CFAP100: variants seen among roughly 807,000 people sequenced by gnomAD.
CFAP100 encodes the protein cilia and flagella associated protein 100.
Under a neutral mutation model 81.5 loss-of-function variants are expected in CFAP100, and 70 were observed. That is an observed-to-expected ratio of 0.86 (90% CI 0.71 to 1.05). CFAP100 has a LOEUF of 1.05. Among genes scored for constraint, CFAP100 ranks in the 50% least tolerant of loss-of-function variants. CFAP100 has a pLI of 0.00. For synonymous variants in CFAP100, 341 were observed against 314.8 expected, an observed-to-expected ratio of 1.08 and a Z score of -0.88; for missense variants, 811 against 776.5, an observed-to-expected ratio of 1.04 and a Z score of -0.53.
At chr3:126,423,962 C>T (rs2083373387) in intron 13 of CFAP100, among the ~76,000 whole-genome samples, 1 of 152,240 alleles carries the variant, frequency 6.6e-6, no homozygotes, top group South Asian at 2.1e-4. Flanking sequence ...CTTGGAGTGG[C>T]TGGAGGTCCA....
At chr3:126,432,147 C>T (rs1223886170) in intron 13 of CFAP100, among the ~76,000 whole-genome samples, 1 of 151,714 alleles carries the variant, frequency 6.6e-6, no homozygotes, top group African/African-American at 2.4e-5. Flanking sequence ...GGCGTGGTGG[C>T]GGGTGCCTGT....
chr3:126,418,083 T>G, intron 5 of CFAP100: 1 of 215,566 alleles, frequency 4.6e-6, no homozygotes, highest in Non-Finnish European at 9.2e-6. Context: ...TCCCCATTTT[T>G]CTGTCCTCAT....
chr3:126,423,264 T>G, intron 11 of CFAP100, 61 bp from the exon 12 acceptor site: 1 of 1,417,954 alleles, frequency 7.1e-7, no homozygotes. Context: ...CTGTGCCCCC[T>G]CCCCTGGCTC....
rs1202547059 is a variant in CFAP100, at chr3:126,414,108, A to C, written c.154A>C (p.Asn52His). ...NEEHGPDPSA[N>H]PFHLSGDVDF... The stretch of plus-strand genomic sequence containing the variant: ...AGAACATGGTCCTGACCCTTCAGCG[A>C]ACCCTTTCCACTTATCTGGGGATGT... The change falls in exon 4 of 17, where the codon AAC (asparagine) becomes CAC (histidine). Residue 52 changes from asparagine (N) to histidine (H), a missense_variant. Coordinates refer to ENST00000352312, the MANE Select transcript of CFAP100 (RefSeq NM_182628.3). 3.1e-6 allele frequency: 5 copies of C among 1,613,902 alleles called. No homozygotes were observed. Among genetic ancestry groups the C allele is most frequent in the Non-Finnish European group, 3.4e-6 (4 of 1,179,914 alleles).
intron 3 of CFAP100, among the ~76,000 whole-genome samples, chr3:126,407,746 G>C (rs1254208578): frequency 6.6e-6 from 1 of 152,220 alleles, no homozygotes. Context: ...CCACATTCCA[G>C]CAGCTAAATT....
intron 13 of CFAP100, among the ~76,000 whole-genome samples, chr3:126,429,986 C>T (rs1346406840): frequency 2.0e-5 from 3 of 152,090 alleles, no homozygotes; most frequent in East Asian, 3.8e-4. Context: ...TATATCAACC[C>T]GTTTTCTCCT....
chr3:126,432,788 CTT>C lies in CFAP100; in HGVS notation c.1287-280_1287-279del, dbSNP rs201324107. The C allele has an allele frequency of 6.3e-3, 1,809 of 286,086 alleles. 35 individuals are homozygous for C. The highest frequency in any genetic ancestry group is 0.035 in the African/African-American group (1,633 of 46,134). 17.7% of individuals were successfully genotyped at this position (286,086 alleles called of 1,614,324 possible). ...CCTTGAATATATAAAAAATTACTGA[CTT>C]GTATATTTTATGATGGTTATGCTAA... On this transcript the variant is annotated intron_variant, in intron 13 of 16. Transcript: ENST00000352312.
chr3:126,400,778 T>C (rs2082965692), intron 2 of CFAP100, among the ~76,000 whole-genome samples: 1 of 151,182 alleles, frequency 6.6e-6, no homozygotes, highest in African/African-American at 2.4e-5. Flanking sequence ...AAAAGAAAAA[T>C]AGGCAGTTCC....
chr3:126,431,292 C>A (rs563847881), intron 13 of CFAP100, among the ~76,000 whole-genome samples: 4 of 152,260 alleles, frequency 2.6e-5, no homozygotes, highest in African/African-American at 9.6e-5. Context: ...TCGAGGTGAT[C>A]CATCCATGAC....
At position 126,423,501 on chromosome 3, in the gene CFAP100, G is replaced by C; in HGVS notation, c.1143G>C (p.Gln381His). The part of the protein sequence containing the change: ...EDTDSDGEEP[Q>H]LYFTEPQQLL... ...AAACCTGTGGGTTGCAGGAACCACAGCTGTACTTCACGGAGCCCCAGCAGC... is the reference window on the plus strand; with the variant it reads ...AAACCTGTGGGTTGCAGGAACCACACCTGTACTTCACGGAGCCCCAGCAGC... Residue 381 changes from glutamine to histidine, a missense_variant, in exon 13 of 17, where the codon CAG becomes CAC. Transcript: ENST00000352312. The C allele has an allele frequency of 6.2e-7, 1 of 1,614,142 alleles. No homozygotes were observed. The highest frequency in any genetic ancestry group is 8.5e-7 in the Non-Finnish European group (1 of 1,180,030).
At chr3:126,433,726 G>C (rs532290408) in intron 14 of CFAP100, 2 of 188,922 alleles carry the variant, frequency 1.1e-5, no homozygotes, top group Non-Finnish European at 2.2e-5. Flanking sequence ...CAGCGCTCCC[G>C]ATACAGCCAG....
At chr3:126,434,454 C>T in intron 15 of CFAP100, 73 bp downstream of exon 15, 1 of 1,451,080 alleles carries the variant, frequency 6.9e-7, no homozygotes, top group Non-Finnish European at 9.4e-7. Context: ...ATACAGGCCC[C>T]ACCCTCAAAG....
At chr3:126,433,248 G>C in intron 14 of CFAP100, 44 bp downstream of exon 14, 1 of 1,607,762 alleles carries the variant, frequency 6.2e-7, no homozygotes, top group Non-Finnish European at 8.5e-7. Flanking sequence ...GGTAAGGAGG[G>C]ACCCTTGGGC....
chr3:126,427,180 AC>A (rs1359510204), intron 13 of CFAP100, among the ~76,000 whole-genome samples: 1 of 152,222 alleles, frequency 6.6e-6, no homozygotes, highest in Non-Finnish European at 1.5e-5. Context: ...GAGTCAAAAT[AC>A]CCAGAATAGC....
At chr3:126,400,508 T>C (rs775549447) in intron 2 of CFAP100, among the ~76,000 whole-genome samples, 8 of 151,076 alleles carry the variant, frequency 5.3e-5, no homozygotes, top group Non-Finnish European at 8.8e-5. Context: ...AATCCCAGCA[T>C]TTCGGGAGGC....
chr3:126,417,906 C>T (rs77157716), intron 5 of CFAP100, among the ~76,000 whole-genome samples: 2 of 152,258 alleles, frequency 1.3e-5, no homozygotes, highest in African/African-American at 2.4e-5. Context: ...GGAAAGGGGC[C>T]CCTATGGCCC....
chr3:126,418,870 C>A, intron 7 of CFAP100, 96 bp downstream of exon 7: 1 of 1,395,416 alleles, frequency 7.2e-7, no homozygotes, highest in Non-Finnish European at 9.6e-7. Flanking sequence ...TGCCCCCAGC[C>A]CCTGCAACTC....
At chr3:126,426,763 T>A (rs921476169) in intron 13 of CFAP100, among the ~76,000 whole-genome samples, 4 of 151,968 alleles carry the variant, frequency 2.6e-5, no homozygotes, top group Non-Finnish European at 4.4e-5. Flanking sequence ...AATAAATAAA[T>A]AATAAAAATT....
At chr3:126,410,784 G>A (rs2083141840) in intron 3 of CFAP100, among the ~76,000 whole-genome samples, 1 of 152,154 alleles carries the variant, frequency 6.6e-6, no homozygotes, top group African/African-American at 2.4e-5. Flanking sequence ...ATGGGTGGAG[G>A]GACATTCAGT....
Sources: allele counts gnomAD v4.1 joint callset (sites outside exome capture counted in the v4.1 genomes callset), GRCh38; gene constraint gnomAD v4.1.1; transcripts MANE v1.5; gene names NCBI Gene and HGNC (gene_info 2026-07-23, HGNC 2026-07-21).